Variants in INTS4 observed in about 807,000 individuals in gnomAD.
INTS4 encodes the protein integrator complex subunit 4.
INTS4 carries 70 observed loss-of-function variants against 119.5 expected under a neutral mutation model. The ratio of observed to expected loss-of-function variants is 0.59; its 90% CI spans 0.48 to 0.71. INTS4 has a LOEUF of 0.71. Ranked by LOEUF, INTS4 falls within the 30% of genes least tolerant of loss-of-function variation. The pLI is 0.00. For synonymous variants in INTS4, 316 were observed against 419.6 expected (o/e 0.75, Z 3.02); for missense variants, 867 against 1,173.2 (o/e 0.74, Z 3.81).
intron 15 of INTS4, among the ~76,000 whole-genome samples, chr11:77,909,589 C>A (rs1248364556): frequency 6.6e-6 from 1 of 152,156 alleles, no homozygotes; most frequent in African/African-American, 2.4e-5. Flanking sequence ...GTTAGGATTG[C>A]AGTATATGAA....
At chr11:77,966,631 T>C (rs1007126655) in intron 4 of INTS4, among the ~76,000 whole-genome samples, 1 of 152,216 alleles carries the variant, frequency 6.6e-6, no homozygotes, top group African/African-American at 2.4e-5. Flanking sequence ...CTGGGCTTTC[T>C]ATCCTGTTCC....
At chr11:77,970,409 A>T (rs1186017522) in intron 4 of INTS4, among the ~76,000 whole-genome samples, 2 of 152,010 alleles carry the variant, frequency 1.3e-5, no homozygotes, top group South Asian at 2.1e-4. Context: ...GAAAAAAAAA[A>T]TTCATATACA....
intron 13 of INTS4, 131 bp from the exon 14 acceptor site, chr11:77,921,604 A>T: frequency 1.5e-6 from 1 of 650,110 alleles, no homozygotes; most frequent in East Asian, 2.7e-5. Flanking sequence ...ATGCAAATAC[A>T]AACAACAAAA....
intron 2 of INTS4, among the ~76,000 whole-genome samples, chr11:77,985,912 G>T (rs1565292952): frequency 6.6e-6 from 1 of 151,792 alleles, no homozygotes; most frequent in Non-Finnish European, 1.5e-5. Context: ...ACTAATGCCT[G>T]ATCACAAAAA....
intron 4 of INTS4, among the ~76,000 whole-genome samples, chr11:77,964,615 T>A (rs1855413626): frequency 6.6e-6 from 1 of 151,248 alleles, no homozygotes; most frequent in African/African-American, 2.4e-5. Context: ...AAATAAAAAT[T>A]ATTATAAAGA....
intron 15 of INTS4, chr11:77,918,314 G>A (rs1473916757): frequency 2.0e-6 from 1 of 508,260 alleles, no homozygotes; most frequent in Non-Finnish European, 3.6e-6. Context: ...GCATATGCCT[G>A]TGGTCCCAGC....
chr11:77,975,750 G>A (rs1338506517), intron 4 of INTS4, among the ~76,000 whole-genome samples: 2 of 152,174 alleles, frequency 1.3e-5, no homozygotes, highest in East Asian at 1.9e-4. Context: ...GAGGTCAGGA[G>A]ATCGAGACCA....
At chr11:77,915,797 A>G (rs1406589704) in intron 15 of INTS4, among the ~76,000 whole-genome samples, 1 of 152,224 alleles carries the variant, frequency 6.6e-6, no homozygotes, top group Admixed American at 6.5e-5. Flanking sequence ...TAAAAACTGC[A>G]TTTCTCAGAT....
chr11:77,935,713 T>C (rs2136513480), intron 10 of INTS4, among the ~76,000 whole-genome samples: 1 of 152,012 alleles, frequency 6.6e-6, no homozygotes, highest in African/African-American at 2.4e-5. Flanking sequence ...CTGGGCAACA[T>C]GGCAAAACCC....
chr11:77,980,073 C>T (rs1856145245), intron 3 of INTS4, among the ~76,000 whole-genome samples: 1 of 151,318 alleles, frequency 6.6e-6, no homozygotes, highest in Admixed American at 6.6e-5. Flanking sequence ...ATAATACATA[C>T]ATACCAGGCC....
At chr11:77,924,260 T>C (rs1187459980) in intron 12 of INTS4, among the ~76,000 whole-genome samples, 1 of 146,916 alleles carries the variant, frequency 6.8e-6, no homozygotes, top group East Asian at 2.0e-4. Flanking sequence ...TTAGTTGGGG[T>C]ATGGTGGCAT....
chr11:77,958,792 C>G lies in INTS4; in HGVS notation c.751G>C (p.Ala251Pro). ...LSDDYEQVRS[A>P]AVQLIWVVSQ... is the part of the protein sequence containing the mutation. The stretch of plus-strand genomic sequence containing the variant: ...ACGACCCAGATAAGCTGGACTGCAG[C>G]ACTGCGCACTTGTTCATAGTCATCA... The change falls in exon 7 of 23, where the codon GCT (alanine) becomes CCT (proline). Residue 251 changes from alanine (A) to proline (P), a missense_variant. Ala to Pro is a conservative substitution (Grantham distance 27, BLOSUM62 -1). Transcript: ENST00000534064. The G allele has an allele frequency of 6.2e-7, 1 of 1,611,062 alleles. No individual in the cohort carries two copies. Among genetic ancestry groups the G allele is most frequent in the Non-Finnish European group, 8.5e-7 (1 of 1,179,134 alleles).
At chr11:77,981,408 A>G in intron 3 of INTS4, 51 bp downstream of exon 3, 1 of 880,078 alleles carries the variant, frequency 1.1e-6, no homozygotes, top group Non-Finnish European at 1.7e-6. Context: ...TCTATACAAA[A>G]AGAACTAAAT....
At position 77,909,848 on chromosome 11, in the gene INTS4, A is replaced by G. The variant is rs150828485; in HGVS notation, c.1923-2038T>C. 5.1e-3 allele frequency among the ~76,000 whole-genome samples: 775 copies of G among 152,348 alleles called. 3 individuals carry two copies. Among genetic ancestry groups the G allele is most frequent in the African/African-American group, 0.018 (731 of 41,578 alleles). On this transcript the variant is annotated intron_variant, in intron 15 of 22. Transcript: ENST00000534064. Reference sequence around the variant, plus strand: ...CCAAAAGACACATGAAAAAATGCTCATCATCACTGGCCATCAGAGAAATGC... The same window carrying G: ...CCAAAAGACACATGAAAAAATGCTCGTCATCACTGGCCATCAGAGAAATGC...
At chr11:77,877,147 T>C (rs1424705494), downstream of INTS4, 5 of 651,954 alleles carry the variant, frequency 7.7e-6, no homozygotes, top group Non-Finnish European at 1.4e-5. Context: ...TGCCTGGAAA[T>C]AGACTGCCAG....
At chr11:77,968,613 A>G (rs2136608578) in intron 4 of INTS4, among the ~76,000 whole-genome samples, 1 of 152,324 alleles carries the variant, frequency 6.6e-6, no homozygotes, top group Admixed American at 6.5e-5. Flanking sequence ...TAATGCCACT[A>G]AACAATATGT....
intron 4 of INTS4, chr11:77,978,503 A>G (rs962633114): frequency 6.6e-6 from 1 of 152,352 alleles, no homozygotes; most frequent in African/African-American, 2.4e-5. Context: ...AATCAGAAAA[A>G]AAGAACGTAC....
intron 8 of INTS4, among the ~76,000 whole-genome samples, chr11:77,955,328 C>A (rs1954291853): frequency 6.6e-6 from 1 of 152,064 alleles, no homozygotes; most frequent in South Asian, 2.1e-4. Flanking sequence ...CAGAGGAAGA[C>A]CCTGTCTCAA....
chr11:77,977,638 C>T (rs1431134351), intron 4 of INTS4, among the ~76,000 whole-genome samples: 1 of 151,180 alleles, frequency 6.6e-6, no homozygotes. Context: ...TTTTCAGTAT[C>T]TTTCCGAATT....
Sources: gnomAD v4.1 joint callset for allele counts (sites outside exome capture counted in the v4.1 genomes callset) on GRCh38, gnomAD v4.1.1 for gene constraint, MANE v1.5 for transcripts, NCBI Gene and HGNC (gene_info 2026-07-23, HGNC 2026-07-21) for gene names.